The following RYR3 variants were observed in gnomAD, a reference collection of about 807,000 sequenced individuals.
The protein encoded by RYR3 is brain ryanodine receptor-calcium release channel.
RYR3 carries 207 observed loss-of-function variants against 584.3 expected under a neutral mutation model. The ratio of observed to expected loss-of-function variants is 0.35; its 90% CI spans 0.32 to 0.40. The LOEUF (loss-of-function observed/expected upper bound fraction) is 0.40. Among genes scored for constraint, RYR3 ranks in the 10% least tolerant of loss-of-function variants. The probability of loss-of-function intolerance (pLI) is 1.00; values close to 1 mark genes in which losing one functional copy is unlikely to be tolerated. For synonymous variants in RYR3, 2,416 were observed against 2,248.5 expected (o/e 1.07, Z -2.11); for missense variants, 5,616 against 6,089.2 (o/e 0.92, Z 2.59).
intron 103 of RYR3, 69 bp downstream of exon 103, chr15:33,864,258 T>C (rs867401825): frequency 2.4e-6 from 3 of 1,240,826 alleles, no homozygotes; most frequent in East Asian, 2.4e-5. Context: ...TAGTAGGGCA[T>C]AGGTTATCTG....
intron 2 of RYR3, among the ~76,000 whole-genome samples, chr15:33,487,723 A>G (rs993014399): frequency 1.3e-5 from 2 of 152,196 alleles, no homozygotes; most frequent in African/African-American, 2.4e-5. Context: ...TTGCTGTCAC[A>G]TGCAGGCAGA....
intron 1 of RYR3, among the ~76,000 whole-genome samples, chr15:33,461,186 C>T (rs990367020): frequency 7.2e-5 from 11 of 151,878 alleles, no homozygotes; most frequent in Non-Finnish European, 1.5e-4. Context: ...CCTCGTGACC[C>T]GCCCGCCTCG....
At chr15:33,464,700 T>C (rs1465372647) in intron 1 of RYR3, among the ~76,000 whole-genome samples, 1 of 151,940 alleles carries the variant, frequency 6.6e-6, no homozygotes, top group East Asian at 1.9e-4. Context: ...ATCAAGCTAA[T>C]GAATATTTCC....
chr15:33,577,356 A>T (rs1422962342), intron 12 of RYR3, among the ~76,000 whole-genome samples: 1 of 152,078 alleles, frequency 6.6e-6, no homozygotes, highest in East Asian at 1.9e-4. Flanking sequence ...CACACTACCC[A>T]ACTTCAAACT....
intron 16 of RYR3, among the ~76,000 whole-genome samples, chr15:33,588,942 T>G (rs575624820): frequency 6.6e-6 from 1 of 152,220 alleles, no homozygotes; most frequent in Non-Finnish European, 1.5e-5. Context: ...CTTTTTGATA[T>G]AGCAATTTAT....
At chr15:33,452,771 C>T (rs1325791039) in intron 1 of RYR3, among the ~76,000 whole-genome samples, 2 of 152,120 alleles carry the variant, frequency 1.3e-5, no homozygotes, top group Admixed American at 1.3e-4. Context: ...CCCAAACAGT[C>T]TGATTTCAGA....
At chr15:33,616,496 C>G (rs914818603) in intron 19 of RYR3, among the ~76,000 whole-genome samples, 1 of 152,138 alleles carries the variant, frequency 6.6e-6, no homozygotes, top group East Asian at 1.9e-4. Flanking sequence ...GTCAGCAGAT[C>G]ATGCAGCCTT....
intron 69 of RYR3, 167 bp downstream of exon 69, chr15:33,802,128 T>A (rs989021324): frequency 1.2e-5 from 9 of 758,966 alleles, no homozygotes; most frequent in Non-Finnish European, 2.2e-5. Context: ...AAGAAACTGC[T>A]CTCAAATAAG....
chr15:33,450,110 A>AAAAAAAAC, intron 1 of RYR3, among the ~76,000 whole-genome samples: 3 of 149,996 alleles, frequency 2.0e-5, no homozygotes, highest in South Asian at 2.1e-4. Flanking sequence ...AAAAAAAAAA[A>AAAAAAAAC]AGCCGGCAAC....
intron 42 of RYR3, among the ~76,000 whole-genome samples, chr15:33,706,171 CTTTG>C (rs1047873216): frequency 6.6e-5 from 10 of 151,870 alleles, no homozygotes; most frequent in East Asian, 1.9e-4. Flanking sequence ...GCAGTTCTTT[CTTTG>C]TTTGTTTCTT....
At chr15:33,720,582 G>C (rs779256107) in intron 43 of RYR3, among the ~76,000 whole-genome samples, 4 of 152,234 alleles carry the variant, frequency 2.6e-5, no homozygotes, top group African/African-American at 4.8e-5. Context: ...CAGATGCTCT[G>C]CCAGGGTGTG....
At chr15:33,359,619 T>C (rs1304929243) in intron 1 of RYR3, among the ~76,000 whole-genome samples, 3 of 151,100 alleles carry the variant, frequency 2.0e-5, no homozygotes, top group Admixed American at 2.0e-4. Context: ...TTTATTTATT[T>C]ATTTATTTAT....
chr15:33,693,275 T>C (rs2152759811), intron 38 of RYR3, among the ~76,000 whole-genome samples: 1 of 152,356 alleles, frequency 6.6e-6, no homozygotes, highest in Non-Finnish European at 1.5e-5. Flanking sequence ...GGCTCTGCAG[T>C]TGCTGCCCTC....
At chr15:33,329,132 C>T (rs375660746) in intron 1 of RYR3, among the ~76,000 whole-genome samples, 64 of 152,304 alleles carry the variant, frequency 4.2e-4, no homozygotes, top group African/African-American at 1.5e-3. Context: ...GCTTCCTCTT[C>T]TTCTCCCATC....
chr15:33,371,868 G>A (rs1380779510), intron 1 of RYR3, among the ~76,000 whole-genome samples: 1 of 152,160 alleles, frequency 6.6e-6, no homozygotes, highest in African/African-American at 2.4e-5. Context: ...TTCAGAGGAG[G>A]GTGGGCTAAG....
intron 2 of RYR3, among the ~76,000 whole-genome samples, chr15:33,482,095 G>T (rs1470422664): frequency 1.3e-5 from 2 of 151,960 alleles, no homozygotes; most frequent in East Asian, 1.9e-4. Context: ...CAACCTGAAG[G>T]ATATTCCTTA....
At chr15:33,835,791 A>G (rs2078006434) in intron 87 of RYR3, among the ~76,000 whole-genome samples, 1 of 152,094 alleles carries the variant, frequency 6.6e-6, no homozygotes, top group South Asian at 2.1e-4. Flanking sequence ...GGGAGGAGAG[A>G]GTTCCTGGGA....
At chr15:33,809,150 A>G (rs143495570) in intron 70 of RYR3, among the ~76,000 whole-genome samples, 2 of 152,274 alleles carry the variant, frequency 1.3e-5, no homozygotes, top group African/African-American at 2.4e-5. Context: ...TCTCTTCCAA[A>G]AGCCTTTTCC....
chr15:33,703,194 G>A lies in RYR3; in HGVS notation c.6483+2114G>A, dbSNP rs190463403. Among the ~76,000 whole-genome samples the A allele has an allele frequency of 1.7e-3, 262 of 152,252 alleles. 4 individuals carry two copies. In the East Asian group the frequency reaches 0.024, roughly 14 times the overall value. The stretch of plus-strand genomic sequence containing the variant: ...TCAGTTAGTAAATTCTATTTCAAAT[G>A]CATTCAACTGATAATTACTGAGGGC... On this transcript the variant is annotated intron_variant, in intron 42 of 103. Transcript: ENST00000634891.
Sources: allele counts gnomAD v4.1 joint callset (sites outside exome capture counted in the v4.1 genomes callset), GRCh38; gene constraint gnomAD v4.1.1; transcripts MANE v1.5; gene names NCBI Gene and HGNC (gene_info 2026-07-23, HGNC 2026-07-21).